Variants in RAB23 observed in about 807,000 individuals in gnomAD.
RAB23 encodes the protein ras-related protein Rab-23.
A neutral mutation model predicts 30.0 loss-of-function variants in RAB23; 15 were observed. That is an observed-to-expected ratio of 0.50 (90% CI 0.33 to 0.77). The LOEUF is 0.77. RAB23 is among the 30% of genes least tolerant of loss of function. The pLI is 0.02. For missense variants in RAB23, 243 were observed against 275.4 expected (o/e 0.88, Z 0.83); for synonymous variants, 93 against 94.0 (o/e 0.99, Z 0.06).
chr6:57,221,535 G>C (rs1220727797), intron 1 of RAB23, 191 bp downstream of exon 1: 1 of 152,504 alleles, frequency 6.6e-6, no homozygotes, highest in African/African-American at 2.4e-5. Flanking sequence ...GTGGAGCTGA[G>C]GACTCTCTTC....
At chr6:57,204,017 T>A (rs914885325) in intron 3 of RAB23, among the ~76,000 whole-genome samples, 1 of 152,198 alleles carries the variant, frequency 6.6e-6, no homozygotes, top group Non-Finnish European at 1.5e-5. Context: ...AGTACAATCA[T>A]GAAACCTTAG....
chr6:57,210,155 C>G, intron 2 of RAB23, 71 bp downstream of exon 2: 1 of 1,518,058 alleles, frequency 6.6e-7, no homozygotes, highest in African/African-American at 1.4e-5. Context: ...AATCAGTTAA[C>G]TATTACTCCA....
rs146553037 is a variant in RAB23 at position 57,210,182 on chromosome 6, G to T, written c.155+44C>A. 1.3e-3 allele frequency: 2,130 copies of T among 1,590,494 alleles called. 46 individuals are homozygous for T. In the East Asian group the frequency reaches 0.04, roughly 30 times the overall value. On this transcript the variant is annotated intron_variant, in intron 2 of 6. Transcript: ENST00000468148. ...ATTACTCCAATGAGTCTTGGATATAGTTCACAAATCAAAGCCAAAGGAATA... is the reference window on the plus strand; with the variant it reads ...ATTACTCCAATGAGTCTTGGATATATTTCACAAATCAAAGCCAAAGGAATA...
chr6:57,213,888 A>G (rs1301397782), intron 1 of RAB23, among the ~76,000 whole-genome samples: 1 of 152,114 alleles, frequency 6.6e-6, no homozygotes, highest in African/African-American at 2.4e-5. Flanking sequence ...AGAAAGATAG[A>G]AAACACCTAT....
intron 1 of RAB23, among the ~76,000 whole-genome samples, chr6:57,211,380 A>G (rs779701444): frequency 1.3e-5 from 2 of 152,172 alleles, no homozygotes; most frequent in African/African-American, 2.4e-5. Context: ...GGATCCCTTG[A>G]GCCCAAGGGT....
Position 57,191,423 on chromosome 6 carries a change from C to T in RAB23, c.575-823G>A, listed in dbSNP as rs1010942046. Among the ~76,000 whole-genome samples the T allele has an allele frequency of 4.0e-4, 61 of 152,056 alleles. 1 individual carries two copies. The highest frequency in any genetic ancestry group is 1.3e-3 in the Admixed American group (20 of 15,260). On this transcript the variant is annotated intron_variant, in intron 6 of 6. Transcript: ENST00000468148. The stretch of plus-strand genomic sequence containing the variant: ...TTTTGACTTAACAATTTATCTTTGA[C>T]GTTTGGAATCAGCAAATACGATAAT...
chr6:57,208,774 C>T (rs190508767), intron 2 of RAB23, among the ~76,000 whole-genome samples: 118 of 152,172 alleles, frequency 7.8e-4, no homozygotes, highest in Non-Finnish European at 1.3e-3. Flanking sequence ...ACTGAATTAG[C>T]AAATACTGAA....
rs1036407845 is a variant in RAB23, at chr6:57,189,205, T to G, written c.*1256A>C. The G allele has an allele frequency of 6.6e-6, 1 of 152,090 alleles. No individual in the cohort carries two copies. Among genetic ancestry groups the G allele is most frequent in the Admixed American group, 6.5e-5 (1 of 15,270 alleles). The allele number at this position is 152,090 out of a possible 1,614,324, so 9.4% of individuals were successfully genotyped here. On this transcript the variant is annotated 3_prime_UTR_variant, in exon 7 of 7. Transcript: ENST00000468148. ...ATATTAAATCATTTTGTAAAAGAAA[T>G]GATTCTGTATGTGGGACTGACAGCT...
intron 6 of RAB23, among the ~76,000 whole-genome samples, chr6:57,192,438 A>G (rs528115866): frequency 6.6e-6 from 1 of 152,378 alleles, no homozygotes; most frequent in South Asian, 2.1e-4. Flanking sequence ...AAGTAATGCC[A>G]TATGACATTA....
intron 3 of RAB23, among the ~76,000 whole-genome samples, chr6:57,197,961 G>C (rs1278562927): frequency 6.6e-6 from 1 of 151,980 alleles, no homozygotes; most frequent in South Asian, 2.1e-4. Flanking sequence ...TTGTTTTGTA[G>C]AGATGGGTCT....
At chr6:57,216,203 A>G (rs980197567) in intron 1 of RAB23, among the ~76,000 whole-genome samples, 6 of 152,222 alleles carry the variant, frequency 3.9e-5, no homozygotes, top group Non-Finnish European at 8.8e-5. Flanking sequence ...GATGTGTAGT[A>G]GGCTATACCA....
At chr6:57,198,666 GTGAGAC>G (rs1456049391) in intron 3 of RAB23, among the ~76,000 whole-genome samples, 1 of 151,398 alleles carries the variant, frequency 6.6e-6, no homozygotes, top group African/African-American at 2.4e-5. Flanking sequence ...GGGCAAAAGG[GTGAGAC>G]TCTGTCTAAA....
In RAB23 at chr6:57,189,363, TAAGAC is replaced by T. The variant is rs1201186091; in HGVS notation, c.*1093_*1097del. 6.6e-6 allele frequency: 1 copy of T among 152,234 alleles called. No individual in the cohort carries two copies. Among genetic ancestry groups the T allele is most frequent in the Non-Finnish European group, 1.5e-5 (1 of 68,040 alleles). 9.4% of individuals were successfully genotyped at this position (152,234 alleles called of 1,614,324 possible). A position where few individuals can be genotyped will look rare whatever the true frequency, so the allele number is the denominator to read the frequency against. On this transcript the variant is annotated 3_prime_UTR_variant, in exon 7 of 7. Transcript: ENST00000468148. ...GCATTATAAAATATGTAATTTTAGT[TAAGAC>T]TAATAATAATATTTTTGTGCACTTT... is the stretch of plus-strand genomic sequence containing the variant.
Position 57,222,121 on chromosome 6 carries a change from C to T in RAB23, c.-461G>A, listed in dbSNP as rs1309671138. 2.6e-5 allele frequency: 4 copies of T among 152,302 alleles called. No individual in the cohort carries two copies. Among genetic ancestry groups the T allele is most frequent in the Non-Finnish European group, 5.9e-5 (4 of 68,096 alleles). The allele number at this position is 152,302 out of a possible 1,614,324, so 9.4% of individuals were successfully genotyped here. The stretch of plus-strand genomic sequence containing the variant: ...GCTGTCTCCTCCCGACGCGCCAGCT[C>T]TCCCTGCGGGGCCGAGCGGCTAGTT... On this transcript the variant is annotated 5_prime_UTR_variant, in exon 1 of 7. Transcript: ENST00000468148.
At chr6:57,205,379 A>T (rs890812591) in intron 3 of RAB23, among the ~76,000 whole-genome samples, 1 of 152,080 alleles carries the variant, frequency 6.6e-6, no homozygotes, top group Non-Finnish European at 1.5e-5. Flanking sequence ...AAATTAACCA[A>T]AATGATACTG....
chr6:57,203,497 T>C (rs1765345246), intron 3 of RAB23, among the ~76,000 whole-genome samples: 1 of 152,206 alleles, frequency 6.6e-6, no homozygotes, highest in African/African-American at 2.4e-5. Context: ...GTTCACTAGA[T>C]AAAAATAAAA....
chr6:57,202,564 T>C (rs1765307815), intron 3 of RAB23, among the ~76,000 whole-genome samples: 1 of 152,124 alleles, frequency 6.6e-6, no homozygotes, highest in Admixed American at 6.5e-5. Context: ...GGTGATAATC[T>C]TGCAACCCAA....
At position 57,188,553 on chromosome 6, in the gene RAB23, A is replaced by ATTAT. The variant is rs995352261; in HGVS notation, c.*1904_*1907dup. 3 of 152,276 alleles carry ATTAT rather than the reference A, an allele frequency of 2.0e-5. No homozygotes were observed. The highest frequency in any genetic ancestry group is 4.8e-5 in the African/African-American group (2 of 41,572). The allele number at this position is 152,276 out of a possible 1,614,324, so 9.4% of individuals were successfully genotyped here. On this transcript the variant is annotated 3_prime_UTR_variant, in exon 7 of 7. Transcript: ENST00000468148. The stretch of plus-strand genomic sequence containing the variant: ...GACAAAAGACTATTTGTTGCAAAGT[A>ATTAT]TTATTTTGTGCAAAAATTAAAGAGG...
chr6:57,194,076 CT>C, intron 5 of RAB23, 142 bp from the exon 6 acceptor site: 1 of 1,274,962 alleles, frequency 7.8e-7, no homozygotes, highest in Non-Finnish European at 1.1e-6. Context: ...AAAAATTCAA[CT>C]TTTAAAAATT....
Sources: allele counts gnomAD v4.1 joint callset (sites outside exome capture counted in the v4.1 genomes callset), GRCh38; gene constraint gnomAD v4.1.1; transcripts MANE v1.5; gene names NCBI Gene and HGNC (gene_info 2026-07-23, HGNC 2026-07-21).